RUNX1T1: variants seen among roughly 807,000 people sequenced by gnomAD.
The protein encoded by RUNX1T1 is protein CBFA2T1.
Under a neutral mutation model 62.8 loss-of-function variants are expected in RUNX1T1, and 4 were observed. That is an observed-to-expected ratio of 0.06 (90% CI 0.03 to 0.15). The LOEUF (loss-of-function observed/expected upper bound fraction) is 0.15, where lower values mean the gene tolerates loss of function less well. Ranked by LOEUF, RUNX1T1 falls within the 10% of genes least tolerant of loss-of-function variation. The pLI, the probability that RUNX1T1 is intolerant of heterozygous loss-of-function variation, is 1.00. For missense variants in RUNX1T1, 508 were observed against 754.3 expected (o/e 0.67, Z 3.82); for synonymous variants, 291 against 286.0 (o/e 1.02, Z -0.18).
chr8:92,086,125 A>C (rs1836075527), intron 1 of RUNX1T1, among the ~76,000 whole-genome samples: 1 of 152,208 alleles, frequency 6.6e-6, no homozygotes, highest in Non-Finnish European at 1.5e-5. Context: ...CCTTTAAATA[A>C]CCAAGCTCCC....
intron 2 of RUNX1T1, among the ~76,000 whole-genome samples, chr8:92,015,119 T>C (rs1455996673): frequency 6.6e-6 from 1 of 152,138 alleles, no homozygotes; most frequent in Non-Finnish European, 1.5e-5. Context: ...CCACCTGAAA[T>C]GTTTCAAAAA....
downstream of RUNX1T1, chr8:91,955,950 T>C (rs140258210): frequency 8.7e-6 from 2 of 229,820 alleles, no homozygotes; most frequent in East Asian, 1.2e-4. Context: ...ACAGTGGATA[T>C]TAACTACATA....
chr8:92,025,096 G>A (rs1824883569), intron 1 of RUNX1T1, among the ~76,000 whole-genome samples: 1 of 152,080 alleles, frequency 6.6e-6, no homozygotes, highest in South Asian at 2.1e-4. Context: ...CTTCCAGAGG[G>A]CTACTCATTT....
upstream of RUNX1T1, among the ~76,000 whole-genome samples, chr8:92,064,170 C>T (rs1482064440): frequency 3.3e-5 from 5 of 152,266 alleles, no homozygotes; most frequent in Admixed American, 1.3e-4. Context: ...ACACACTCTC[C>T]GCACAAACTA....
chr8:91,981,685 G>T (rs1016692744), intron 8 of RUNX1T1, among the ~76,000 whole-genome samples: 4 of 151,930 alleles, frequency 2.6e-5, no homozygotes, highest in African/African-American at 9.7e-5. Context: ...CAAGTGCTGG[G>T]ATTACAGGCG....
chr8:92,040,148 C>T (rs1828175569), intron 1 of RUNX1T1, among the ~76,000 whole-genome samples: 1 of 152,142 alleles, frequency 6.6e-6, no homozygotes, highest in Admixed American at 6.5e-5. Context: ...TTGAAATGTA[C>T]CTTGACTACA....
chr8:92,084,455 C>A (rs370362549), intron 1 of RUNX1T1, among the ~76,000 whole-genome samples: 5 of 152,218 alleles, frequency 3.3e-5, no homozygotes, highest in South Asian at 2.1e-4. Flanking sequence ...AAACAACATG[C>A]TGTTGGAACC....
At chr8:92,076,351 C>T (rs1452276872) in intron 1 of RUNX1T1, among the ~76,000 whole-genome samples, 1 of 152,002 alleles carries the variant, frequency 6.6e-6, no homozygotes, top group African/African-American at 2.4e-5. Flanking sequence ...CTTAATTTTC[C>T]AATCATCTGA....
intron 5 of RUNX1T1, among the ~76,000 whole-genome samples, chr8:92,002,838 C>T (rs1444118336): frequency 6.6e-6 from 1 of 152,038 alleles, no homozygotes; most frequent in African/African-American, 2.4e-5. Flanking sequence ...TATAGTAGAT[C>T]TGGATATACA....
At chr8:92,086,139 T>G (rs888183879) in intron 1 of RUNX1T1, among the ~76,000 whole-genome samples, 9 of 152,230 alleles carry the variant, frequency 5.9e-5, no homozygotes, top group Non-Finnish European at 1.5e-5. Context: ...AGCTCCCTCT[T>G]CCTCCAAGAG....
intron 5 of RUNX1T1, chr8:92,003,177 C>T: frequency 3.4e-6 from 1 of 295,490 alleles, no homozygotes; most frequent in South Asian, 3.2e-5. Flanking sequence ...TAGGAGAGTT[C>T]TACCTGACTG....
intron 8 of RUNX1T1, among the ~76,000 whole-genome samples, chr8:91,984,506 T>G (rs1265124059): frequency 6.6e-6 from 1 of 152,178 alleles, no homozygotes; most frequent in East Asian, 1.9e-4. Flanking sequence ...AAGAAAGAAA[T>G]GAAGACTTTT....
At chr8:92,031,231 G>A (rs2131309767) in intron 1 of RUNX1T1, among the ~76,000 whole-genome samples, 1 of 152,174 alleles carries the variant, frequency 6.6e-6, no homozygotes, top group Middle Eastern at 3.4e-3. Flanking sequence ...TAAGCATCTT[G>A]CACATAGTAG....
At chr8:92,008,083 T>C (rs149526538) in intron 4 of RUNX1T1, among the ~76,000 whole-genome samples, 3,370 of 152,160 alleles carry the variant, frequency 0.022, 58 homozygotes, top group Non-Finnish European at 0.031. Context: ...TGAAACATTA[T>C]ATGTAGCACA....
At chr8:92,023,801 CT>C (rs1216094657) in intron 1 of RUNX1T1, among the ~76,000 whole-genome samples, 3 of 152,160 alleles carry the variant, frequency 2.0e-5, no homozygotes, top group African/African-American at 7.2e-5. Context: ...TCATAACTAC[CT>C]TGGGAACTAC....
chr8:92,075,669 T>TA (rs1338816970), intron 2 of RUNX1T1, among the ~76,000 whole-genome samples: 2 of 152,138 alleles, frequency 1.3e-5, no homozygotes, highest in Non-Finnish European at 2.9e-5. Flanking sequence ...ACAGATGTAT[T>TA]ATGAAACATG....
chr8:91,971,959 C>G (rs1352238297), intron 9 of RUNX1T1, among the ~76,000 whole-genome samples: 1 of 152,040 alleles, frequency 6.6e-6, no homozygotes, highest in Non-Finnish European at 1.5e-5. Flanking sequence ...CATCTTTATT[C>G]AAAGCAAAAT....
rs181950979 is a variant in RUNX1T1, at chr8:91,998,461, G to A, written c.660-6572C>T. On this transcript the variant is annotated intron_variant, in intron 5 of 10. Coordinates refer to ENST00000396218, the Ensembl canonical transcript of RUNX1T1. ...TTGCTAAACAACCACCTAGCAGTGA[G>A]AACTTTCTGAGCAGTGTGCTAATAC... is the stretch of plus-strand genomic sequence containing the variant. Among the ~76,000 whole-genome samples, 289 of 152,232 alleles carry A rather than the reference G, an allele frequency of 1.9e-3. 1 individual carries two copies. Among genetic ancestry groups the A allele is most frequent in the Non-Finnish European group, 3.1e-3 (214 of 67,998 alleles).
At chr8:91,982,603 C>T (rs1378808761) in intron 8 of RUNX1T1, among the ~76,000 whole-genome samples, 11 of 152,122 alleles carry the variant, frequency 7.2e-5, no homozygotes, top group African/African-American at 2.7e-4. Flanking sequence ...GTGGAGCATA[C>T]CATGTAATAA....
Sources: allele counts gnomAD v4.1 joint callset (sites outside exome capture counted in the v4.1 genomes callset), GRCh38; gene constraint gnomAD v4.1.1; transcripts MANE v1.5; gene names NCBI Gene and HGNC (gene_info 2026-07-23, HGNC 2026-07-21).